NREP: variants seen among roughly 807,000 people sequenced by gnomAD.
The protein encoded by NREP is neuronal regeneration related protein.
Under a neutral mutation model 8.6 loss-of-function variants are expected in NREP, and 5 were observed. The observed-to-expected ratio is 0.58, with a 90% CI of 0.30 to 1.22. NREP has a LOEUF of 1.22. Ranked by LOEUF, NREP falls within the 50% of genes most tolerant of loss-of-function variation. The pLI is 0.07. For synonymous variants in NREP, 27 were observed against 28.0 expected (o/e 0.96, Z 0.11); for missense variants, 86 against 82.5 (o/e 1.04, Z -0.17).
intron 2 of NREP, among the ~76,000 whole-genome samples, chr5:111,780,904 G>A (rs531823496): frequency 2.6e-5 from 4 of 151,712 alleles, no homozygotes; most frequent in Non-Finnish European, 5.9e-5. Context: ...TTTTTTTAAC[G>A]TTTATTTTAA....
chr5:111,966,441 A>G (rs1016227402), intron 2 of NREP, among the ~76,000 whole-genome samples: 2 of 152,204 alleles, frequency 1.3e-5, no homozygotes, highest in African/African-American at 4.8e-5. Flanking sequence ...TGGGATTTTT[A>G]AAATGTAGAA....
chr5:111,770,928 T>C (rs898495140), intron 2 of NREP, among the ~76,000 whole-genome samples: 1 of 152,164 alleles, frequency 6.6e-6, no homozygotes, highest in Non-Finnish European at 1.5e-5. Context: ...CCAGCTTAAT[T>C]TGAATGAGTT....
At chr5:111,779,901 A>T (rs7712705) in intron 2 of NREP, among the ~76,000 whole-genome samples, 150,558 of 152,290 alleles carry the variant, frequency 0.99, 74,451 homozygotes, top group East Asian at 1. Flanking sequence ...ATTTTTTATT[A>T]TTTTTATTTT....
At chr5:111,800,680 T>C (rs1294371487) in intron 2 of NREP, among the ~76,000 whole-genome samples, 1 of 152,080 alleles carries the variant, frequency 6.6e-6, no homozygotes, top group African/African-American at 2.4e-5. Context: ...AATGAAATTT[T>C]CTCCCTATCC....
chr5:111,847,271 C>A (rs927676068), intron 2 of NREP, among the ~76,000 whole-genome samples: 1 of 152,102 alleles, frequency 6.6e-6, no homozygotes, highest in South Asian at 2.1e-4. Context: ...GGGTCCTCTT[C>A]CTGTTATATC....
intron 2 of NREP, among the ~76,000 whole-genome samples, chr5:111,782,368 T>C (rs543718867): frequency 6.6e-6 from 1 of 152,214 alleles, no homozygotes; most frequent in Non-Finnish European, 1.5e-5. Flanking sequence ...CTTTGTTAGT[T>C]ATCCGCCTTA....
chr5:111,841,333 A>G (rs116123567), intron 2 of NREP, among the ~76,000 whole-genome samples: 347 of 152,316 alleles, frequency 2.3e-3, no homozygotes, highest in African/African-American at 7.7e-3. Context: ...TCAGGTTTGT[A>G]CATGTCAAGA....
At chr5:111,735,567 A>C in intron 2 of NREP, 60 bp from the exon 3 acceptor site, 1 of 1,240,862 alleles carries the variant, frequency 8.1e-7, no homozygotes, top group East Asian at 2.3e-5. Context: ...CTGAAACTAC[A>C]CGGGATAACC....
intron 2 of NREP, 65 bp from the exon 3 acceptor site, chr5:111,735,572 A>G: frequency 8.6e-7 from 1 of 1,167,966 alleles, no homozygotes; most frequent in Non-Finnish European, 1.3e-6. Context: ...ACTACACGGG[A>G]TAACCTTAAT....
intron 2 of NREP, among the ~76,000 whole-genome samples, chr5:111,753,396 AT>A (rs1010563295): frequency 1.2e-3 from 173 of 147,648 alleles, no homozygotes; most frequent in African/African-American, 4.1e-3. Flanking sequence ...TTATATATAT[AT>A]TTTATAGATA....
At chr5:111,733,345 T>C (rs1413777700) in intron 3 of NREP, 1 of 152,056 alleles carries the variant, frequency 6.6e-6, no homozygotes, top group Non-Finnish European at 1.5e-5. Flanking sequence ...GGAGGTGTGC[T>C]ACTGAAGCAC....
chr5:111,885,862 A>G (rs1431266275), intron 2 of NREP, among the ~76,000 whole-genome samples: 1 of 152,224 alleles, frequency 6.6e-6, no homozygotes, highest in Non-Finnish European at 1.5e-5. Context: ...CTAAAACCAT[A>G]AAAACCCTAG....
intron 2 of NREP, among the ~76,000 whole-genome samples, chr5:111,941,324 C>T (rs1226517003): frequency 2.0e-5 from 3 of 152,070 alleles, no homozygotes; most frequent in Non-Finnish European, 2.9e-5. Context: ...GCTGCCATTA[C>T]AAAGTACCAC....
intron 2 of NREP, among the ~76,000 whole-genome samples, chr5:111,874,304 A>G (rs1753855854): frequency 6.6e-6 from 1 of 152,196 alleles, no homozygotes; most frequent in Non-Finnish European, 1.5e-5. Context: ...TAAGAACTCA[A>G]TCTGGAAAAA....
At chr5:111,839,395 C>G (rs1231606917) in intron 2 of NREP, among the ~76,000 whole-genome samples, 1 of 152,072 alleles carries the variant, frequency 6.6e-6, no homozygotes, top group Non-Finnish European at 1.5e-5. Flanking sequence ...GTCTGTACAT[C>G]ACATCCAAGG....
chr5:111,936,159 G>T (rs2112607577), intron 2 of NREP, among the ~76,000 whole-genome samples: 1 of 152,176 alleles, frequency 6.6e-6, no homozygotes, highest in Admixed American at 6.5e-5. Context: ...GCATGATATG[G>T]TTCGGCTCTG....
intron 2 of NREP, among the ~76,000 whole-genome samples, chr5:111,895,290 G>C (rs1473742110): frequency 1.3e-5 from 2 of 152,142 alleles, no homozygotes; most frequent in Non-Finnish European, 2.9e-5. Flanking sequence ...GATGAGGAAC[G>C]GGGAAGGGAC....
At position 111,757,138 on chromosome 5, in the gene NREP, ACAAAAGCCCC is replaced by A. The variant is rs1384759944; in HGVS notation, c.-71_-62del. On this transcript the variant is annotated 5_prime_UTR_variant, in exon 1 of 4. Coordinates refer to ENST00000257435, the MANE Select transcript of NREP (RefSeq NM_004772.4). Reference sequence around the variant, plus strand: ...GGATAGGAATGGCATATACTTACAGACAAAAGCCCCGCTCCCTGTTCACTCTCTCTCCTCT... The same window carrying A: ...GGATAGGAATGGCATATACTTACAGAGCTCCCTGTTCACTCTCTCTCCTCT... 4 of 963,416 alleles carry A rather than the reference ACAAAAGCCCC, an allele frequency of 4.2e-6. No individual in the cohort carries two copies. The highest frequency in any genetic ancestry group is 4.9e-6 in the Non-Finnish European group (4 of 810,506). 59.7% of individuals were successfully genotyped at this position (963,416 alleles called of 1,614,324 possible). A position where few individuals can be genotyped will look rare whatever the true frequency, so the allele number is the denominator to read the frequency against.
intron 2 of NREP, among the ~76,000 whole-genome samples, chr5:111,769,290 T>C (rs1232992081): frequency 1.3e-5 from 2 of 152,196 alleles, no homozygotes; most frequent in African/African-American, 4.8e-5. Flanking sequence ...GTTACAGCGG[T>C]GGACAAGATA....
Sources: gnomAD v4.1 joint callset for allele counts (sites outside exome capture counted in the v4.1 genomes callset) on GRCh38, gnomAD v4.1.1 for gene constraint, MANE v1.5 for transcripts, NCBI Gene and HGNC (gene_info 2026-07-23, HGNC 2026-07-21) for gene names.